Variants in FBXO45 observed in about 807,000 individuals in gnomAD.
FBXO45 encodes F-box/SPRY domain-containing protein 1.
In FBXO45, 3 loss-of-function variants were observed where a neutral mutation model predicts 25.5. That is an observed-to-expected ratio of 0.12 (90% CI 0.05 to 0.30). The LOEUF (loss-of-function observed/expected upper bound fraction) is 0.30, where lower values mean the gene tolerates loss of function less well. Ranked by LOEUF, FBXO45 falls within the 10% of genes least tolerant of loss-of-function variation. The pLI is 1.00. For missense variants in FBXO45, 219 were observed against 365.0 expected (o/e 0.60, Z 3.26); for synonymous variants, 155 against 149.8 (o/e 1.03, Z -0.25).
chr3:196,568,849 G>T lies in FBXO45; in HGVS notation c.-136G>T, dbSNP rs907679467. On this transcript the variant is annotated 5_prime_UTR_variant, in exon 1 of 3. Transcript: ENST00000311630. ...ACGCCCCCGGGCAGGGGCGGGAGTGGTGGAGGCGCCGGCGGTTGGCACTGA... is the reference window on the plus strand; with the variant it reads ...ACGCCCCCGGGCAGGGGCGGGAGTGTTGGAGGCGCCGGCGGTTGGCACTGA... 4 of 600,548 alleles carry T rather than the reference G, an allele frequency of 6.7e-6. No homozygotes were observed. The African/African-American group carries it at 8.0e-5, about 12-fold the overall frequency. 37.2% of individuals were successfully genotyped at this position (600,548 alleles called of 1,614,324 possible).
chr3:196,569,401 ACCAG>A lies in FBXO45; in HGVS notation c.318+102_318+105del. 8.2e-7 allele frequency: 1 copy of A among 1,217,552 alleles called. No homozygotes were observed. Among genetic ancestry groups the A allele is most frequent in the Non-Finnish European group, 1.1e-6 (1 of 894,266 alleles). The allele number at this position is 1,217,552 out of a possible 1,614,324, so 75.4% of individuals were successfully genotyped here. On this transcript the variant is annotated intron_variant, in intron 1 of 2. Transcript: ENST00000311630. The surrounding 1 kb of genome is among the most constrained non-coding windows in gnomAD (Gnocchi z 4.1). Reference sequence around the variant, plus strand: ...GCTTCTGAGTCAGAAGCTTCGCCTCACCAGCCCGCCTTTCCACGGCTCCAGTCAG... The same window carrying A: ...GCTTCTGAGTCAGAAGCTTCGCCTCACCCGCCTTTCCACGGCTCCAGTCAG...
At chr3:196,582,272 A>G (rs1276693279) in intron 2 of FBXO45, among the ~76,000 whole-genome samples, 2 of 152,236 alleles carry the variant, frequency 1.3e-5, no homozygotes, top group Admixed American at 6.5e-5. Context: ...TAGTGTGAGG[A>G]TTAAATGGGA....
Position 196,584,553 on chromosome 3 carries a change from G to T in FBXO45, c.*235G>T. The stretch of plus-strand genomic sequence containing the variant: ...AGTGGGCAGTTGACATATGCATGTT[G>T]CACCCGATGTTGTCTCTAAGTTAGC... On this transcript the variant is annotated 3_prime_UTR_variant, in exon 3 of 3. Transcript: ENST00000311630. The surrounding 1 kb of genome is among the most constrained non-coding windows in gnomAD (Gnocchi z 4.3). The T allele has an allele frequency of 2.4e-6, 1 of 411,016 alleles. No individual in the cohort carries two copies. The highest frequency in any genetic ancestry group is 4.3e-6 in the Non-Finnish European group (1 of 232,340). The allele number at this position is 411,016 out of a possible 1,614,324, so 25.5% of individuals were successfully genotyped here. A position where few individuals can be genotyped will look rare whatever the true frequency, so the allele number is the denominator to read the frequency against.
chr3:196,569,241 G>T lies in FBXO45; in HGVS notation c.257G>T (p.Ser86Ile). ...SEVWRSLCARSLAEEALRTDI... is the reference protein window; with the variant it reads ...SEVWRSLCARILAEEALRTDI... ...GTGTGGCGGAGCCTGTGCGCCCGCA[G>T]CCTGGCAGAAGAGGCTCTGCGCACG... Residue 86 changes from serine to isoleucine, a missense_variant, in exon 1 of 3, where the codon AGC (serine) becomes ATC (isoleucine). Transcript: ENST00000311630. The surrounding 1 kb of genome is among the most constrained non-coding windows in gnomAD (Gnocchi z 4.1). 6.3e-7 allele frequency: 1 copy of T among 1,584,600 alleles called. No homozygotes were observed. Among genetic ancestry groups the T allele is most frequent in the Non-Finnish European group, 8.6e-7 (1 of 1,166,104 alleles).
intron 1 of FBXO45, among the ~76,000 whole-genome samples, chr3:196,570,529 G>A (rs1735798480): frequency 6.6e-6 from 1 of 151,992 alleles, no homozygotes; most frequent in Non-Finnish European, 1.5e-5. Flanking sequence ...GAGCCACCGC[G>A]CGATAACACC....
At position 196,588,743 on chromosome 3, in the gene FBXO45, G is replaced by A. The variant is rs1736183361; in HGVS notation, c.*4425G>A. On this transcript the variant is annotated 3_prime_UTR_variant, in exon 3 of 3. Transcript: ENST00000311630. The surrounding 1 kb of genome is among the most constrained non-coding windows in gnomAD (Gnocchi z 4.2). ...GGCAGGTGCTCACATATTTGCTGAA[G>A]GAACAGAGAAAGAACTGCGGAGAAA... is the stretch of plus-strand genomic sequence containing the variant. 6.6e-6 allele frequency: 1 copy of A among 151,894 alleles called. No individual in the cohort carries two copies. The highest frequency in any genetic ancestry group is 6.5e-5 in the Admixed American group (1 of 15,272). The allele number at this position is 151,894 out of a possible 1,614,324, so 9.4% of individuals were successfully genotyped here.
rs1466742404 is a variant in FBXO45 at position 196,588,985 on chromosome 3, A to G, written c.*4667A>G. On this transcript the variant is annotated 3_prime_UTR_variant, in exon 3 of 3. Transcript: ENST00000311630. This position sits in a 1 kb window ranked among gnomAD's most constrained non-coding sequence, Gnocchi z 4.2. Reference sequence around the variant, plus strand: ...ATTTTTATATTTGTTTAGAATTTAAATTAGAATTCTGTATCTTTATTTTTT... The same window carrying G: ...ATTTTTATATTTGTTTAGAATTTAAGTTAGAATTCTGTATCTTTATTTTTT... The G allele has an allele frequency of 1.3e-5, 2 of 152,230 alleles. No individual in the cohort carries two copies. Among genetic ancestry groups the G allele is most frequent in the African/African-American group, 4.8e-5 (2 of 41,458 alleles). 9.4% of individuals were successfully genotyped at this position (152,230 alleles called of 1,614,324 possible).
chr3:196,573,731 G>GT (rs112495140), intron 1 of FBXO45, among the ~76,000 whole-genome samples: 3,142 of 92,348 alleles, frequency 0.034, 98 homozygotes, highest in African/African-American at 0.087. Flanking sequence ...CTGTTCAGTT[G>GT]TTTTTTTTTT....
At position 196,569,448 on chromosome 3, in the gene FBXO45, C is replaced by T. The variant is rs73891290; in HGVS notation, c.318+146C>T. Reference sequence around the variant, plus strand: ...CCAGTCAGTATCTTCCTCACCTCCCCCCAAGATAAAGATTCTCTTTTCTTT... The same window carrying T: ...CCAGTCAGTATCTTCCTCACCTCCCTCCAAGATAAAGATTCTCTTTTCTTT... On this transcript the variant is annotated intron_variant, in intron 1 of 2. Transcript: ENST00000311630. This position sits in a 1 kb window ranked among gnomAD's most constrained non-coding sequence, Gnocchi z 4.1. The T allele has an allele frequency of 4.0e-3, 2,853 of 721,124 alleles. 48 individuals are homozygous for T. In the African/African-American group the frequency reaches 0.042, roughly 11 times the overall value. 44.7% of individuals were successfully genotyped at this position (721,124 alleles called of 1,614,324 possible).
chr3:196,574,160 C>T (rs1735875199), intron 1 of FBXO45, among the ~76,000 whole-genome samples: 1 of 152,070 alleles, frequency 6.6e-6, no homozygotes, highest in Admixed American at 6.6e-5. Flanking sequence ...GTCTCGATTT[C>T]TTGACCTCGT....
In FBXO45 at chr3:196,584,456, C is replaced by T. The variant is rs1736068080; in HGVS notation, c.*138C>T. ...GAAGTCGTAAACTGGAGAAGCAGCT[C>T]TACAGCAGAGATTATCTTCGTGTTT... On this transcript the variant is annotated 3_prime_UTR_variant, in exon 3 of 3. Coordinates refer to ENST00000311630, the MANE Select transcript of FBXO45 (RefSeq NM_001105573.2). The surrounding 1 kb of genome is among the most constrained non-coding windows in gnomAD (Gnocchi z 4.3). 1.4e-6 allele frequency: 1 copy of T among 712,160 alleles called. No individual in the cohort carries two copies. The highest frequency in any genetic ancestry group is 3.9e-5 in the Admixed American group (1 of 25,334). The allele number at this position is 712,160 out of a possible 1,614,324, so 44.1% of individuals were successfully genotyped here. A position where few individuals can be genotyped will look rare whatever the true frequency, so the allele number is the denominator to read the frequency against.
chr3:196,587,456 G>A lies in FBXO45; in HGVS notation c.*3138G>A. The A allele has an allele frequency of 6.6e-6, 1 of 152,252 alleles. No individual in the cohort carries two copies. Among genetic ancestry groups the A allele is most frequent in the East Asian group, 1.9e-4 (1 of 5,206 alleles). 9.4% of individuals were successfully genotyped at this position (152,252 alleles called of 1,614,324 possible). A position where few individuals can be genotyped will look rare whatever the true frequency, so the allele number is the denominator to read the frequency against. The stretch of plus-strand genomic sequence containing the variant: ...TTAATATTTAAAATCATTGTTCAGT[G>A]ATTAGGCATTTTCTGCCTTTTAGAA... On this transcript the variant is annotated 3_prime_UTR_variant, in exon 3 of 3. Transcript: ENST00000311630.
chr3:196,569,433 T>C lies in FBXO45; in HGVS notation c.318+131T>C. ...CGCCTTTCCACGGCTCCAGTCAGTA[T>C]CTTCCTCACCTCCCCCCAAGATAAA... On this transcript the variant is annotated intron_variant, in intron 1 of 2. Coordinates refer to ENST00000311630, the MANE Select transcript of FBXO45 (RefSeq NM_001105573.2). This position sits in a 1 kb window ranked among gnomAD's most constrained non-coding sequence, Gnocchi z 4.1. The C allele has an allele frequency of 1.2e-6, 1 of 829,044 alleles. No homozygotes were observed. Among genetic ancestry groups the C allele is most frequent in the Non-Finnish European group, 1.8e-6 (1 of 553,630 alleles). 51.4% of individuals were successfully genotyped at this position (829,044 alleles called of 1,614,324 possible).
At position 196,585,246 on chromosome 3, in the gene FBXO45, C is replaced by A. The variant is rs973629156; in HGVS notation, c.*928C>A. On this transcript the variant is annotated 3_prime_UTR_variant, in exon 3 of 3. Transcript: ENST00000311630. ...TTTGGTATCCAGTTTTATTTTTGGC[C>A]TTCTAAGAAAGTGTCTCATAACACA... 1.3e-5 allele frequency: 2 copies of A among 152,082 alleles called. No homozygotes were observed. Among genetic ancestry groups the A allele is most frequent in the Non-Finnish European group, 2.9e-5 (2 of 68,016 alleles). The allele number at this position is 152,082 out of a possible 1,614,324, so 9.4% of individuals were successfully genotyped here.
Position 196,584,930 on chromosome 3 carries a change from A to G in FBXO45, c.*612A>G, listed in dbSNP as rs1234066199. On this transcript the variant is annotated 3_prime_UTR_variant, in exon 3 of 3. Coordinates refer to ENST00000311630, the MANE Select transcript of FBXO45 (RefSeq NM_001105573.2). The surrounding 1 kb of genome is among the most constrained non-coding windows in gnomAD (Gnocchi z 4.3). ...AAACAGGTTGTTTTGTTCTAGTTCT[A>G]ATTTCTTAAAAACCACTACATGGTT... 3 of 152,122 alleles carry G rather than the reference A, an allele frequency of 2.0e-5. No individual in the cohort carries two copies. The highest frequency in any genetic ancestry group is 1.3e-4 in the Admixed American group (2 of 15,282). 9.4% of individuals were successfully genotyped at this position (152,122 alleles called of 1,614,324 possible). A position where few individuals can be genotyped will look rare whatever the true frequency, so the allele number is the denominator to read the frequency against.
At position 196,585,659 on chromosome 3, in the gene FBXO45, TA is replaced by T. The variant is rs1321620627; in HGVS notation, c.*1345del. ...ACTTACAAATCTTGTTTCTCATCACTAAAATGCTTTTGAATTAATAATCCAA... is the reference window on the plus strand; with the variant it reads ...ACTTACAAATCTTGTTTCTCATCACTAAATGCTTTTGAATTAATAATCCAA... On this transcript the variant is annotated 3_prime_UTR_variant, in exon 3 of 3. Coordinates refer to ENST00000311630, the MANE Select transcript of FBXO45 (RefSeq NM_001105573.2). The T allele has an allele frequency of 6.6e-6, 1 of 152,240 alleles. No individual in the cohort carries two copies. The highest frequency in any genetic ancestry group is 2.4e-5 in the African/African-American group (1 of 41,462). The allele number at this position is 152,240 out of a possible 1,614,324, so 9.4% of individuals were successfully genotyped here.
rs775555553 is a variant in FBXO45, at chr3:196,578,046, CTTT to C, written c.675+248_675+250del. On this transcript the variant is annotated intron_variant, in intron 2 of 2. Coordinates refer to ENST00000311630, the MANE Select transcript of FBXO45 (RefSeq NM_001105573.2). ...GATTTTGGCTATGCAGAAAAATATT[CTTT>C]TTTTTTTTTTAGACAGAATCTCACT... is the stretch of plus-strand genomic sequence containing the variant. Among the ~76,000 whole-genome samples, 11 of 94,100 alleles carry C rather than the reference CTTT, an allele frequency of 1.2e-4. 1 individual carries two copies. Among genetic ancestry groups the C allele is most frequent in the Non-Finnish European group, 1.9e-4 (10 of 51,678 alleles). The allele number at this position is 94,100 out of a possible 152,430, so 61.7% of individuals were successfully genotyped here.
At chr3:196,578,952 C>G (rs999824526) in intron 2 of FBXO45, among the ~76,000 whole-genome samples, 1 of 152,158 alleles carries the variant, frequency 6.6e-6, no homozygotes, top group Non-Finnish European at 1.5e-5. Context: ...ACATCCAAAT[C>G]TTTTTCTAGG....
chr3:196,570,626 T>C lies in FBXO45; in HGVS notation c.318+1324T>C, dbSNP rs137975728. ...GTGAAGCATGTAAAATTTATACTTA[T>C]GTAGTAAAACCGGTTTTAGTTATAG... On this transcript the variant is annotated intron_variant, in intron 1 of 2. Coordinates refer to ENST00000311630, the MANE Select transcript of FBXO45 (RefSeq NM_001105573.2). Among the ~76,000 whole-genome samples the C allele has an allele frequency of 6.8e-3, 1,038 of 152,226 alleles. 11 individuals carry two copies. Among genetic ancestry groups the C allele is most frequent in the African/African-American group, 0.023 (971 of 41,526 alleles).
Sources: allele counts gnomAD v4.1 joint callset (sites outside exome capture counted in the v4.1 genomes callset), GRCh38; gene constraint gnomAD v4.1.1; non-coding constraint Gnocchi (gnomAD v3.1); transcripts MANE v1.5; gene names NCBI Gene and HGNC (gene_info 2026-07-23, HGNC 2026-07-21).